Variants in SH3RF3 observed in about 807,000 individuals in gnomAD.
SH3RF3 encodes E3 ubiquitin-protein ligase SH3RF3.
Under a neutral mutation model 66.3 loss-of-function variants are expected in SH3RF3, and 29 were observed. That is an observed-to-expected ratio of 0.44 (90% CI 0.33 to 0.60). The LOEUF (loss-of-function observed/expected upper bound fraction) is 0.60, where lower values mean the gene tolerates loss of function less well. Among genes scored for constraint, SH3RF3 ranks in the 20% least tolerant of loss-of-function variants. The pLI is 0.04. For synonymous variants in SH3RF3, 583 were observed against 532.0 expected, an observed-to-expected ratio of 1.10 and a Z score of -1.32; for missense variants, 1,194 against 1,190.9, an observed-to-expected ratio of 1.00 and a Z score of -0.04.
At chr2:109,227,855 G>A (rs1039153745) in intron 1 of SH3RF3, among the ~76,000 whole-genome samples, 5 of 152,182 alleles carry the variant, frequency 3.3e-5, no homozygotes, top group Non-Finnish European at 5.9e-5. Flanking sequence ...CCCTTCGGTC[G>A]CTCCGCCTTT....
intron 1 of SH3RF3, among the ~76,000 whole-genome samples, chr2:109,185,819 G>GT (rs1312893832): frequency 6.6e-6 from 1 of 152,252 alleles, no homozygotes; most frequent in Non-Finnish European, 1.5e-5. Context: ...CTGTGGCACT[G>GT]TAGGAGAAAT....
chr2:109,250,611 A>G (rs1680066237), intron 1 of SH3RF3, among the ~76,000 whole-genome samples: 1 of 152,084 alleles, frequency 6.6e-6, no homozygotes, highest in African/African-American at 2.4e-5. Context: ...TAATAATAAT[A>G]ATAATAGTGG....
intron 1 of SH3RF3, among the ~76,000 whole-genome samples, chr2:109,198,360 G>T (rs1249748642): frequency 2.5e-5 from 2 of 79,892 alleles, no homozygotes; most frequent in Non-Finnish European, 5.2e-5. Context: ...AAACATCCTT[G>T]TGACAACTTA....
At chr2:109,252,254 G>GAAA (rs57575966) in intron 1 of SH3RF3, among the ~76,000 whole-genome samples, 20 of 144,580 alleles carry the variant, frequency 1.4e-4, no homozygotes, top group African/African-American at 3.8e-4. Context: ...TCTCAGAGGA[G>GAAA]AAAAAAAAAA....
chr2:109,198,061 C>T (rs997161175), intron 1 of SH3RF3, among the ~76,000 whole-genome samples: 1 of 152,130 alleles, frequency 6.6e-6, no homozygotes, highest in African/African-American at 2.4e-5. Context: ...AGTCCCCATG[C>T]AGTGTGTCAG....
chr2:109,289,106 G>T (rs1681104178), intron 1 of SH3RF3, among the ~76,000 whole-genome samples: 1 of 152,128 alleles, frequency 6.6e-6, no homozygotes, highest in Non-Finnish European at 1.5e-5. Flanking sequence ...AAGCTGAACT[G>T]GATTTTCCAA....
chr2:109,345,769 G>T (rs1454314575), intron 1 of SH3RF3, among the ~76,000 whole-genome samples: 2 of 151,988 alleles, frequency 1.3e-5, no homozygotes, highest in African/African-American at 4.8e-5. Context: ...TGTCTTTTTT[G>T]TAAATTTAAC....
chr2:109,432,596 G>A lies in SH3RF3; in HGVS notation c.1499G>A (p.Gly500Asp), dbSNP rs768437860. 1 of 1,613,514 alleles carries A rather than the reference G, an allele frequency of 6.2e-7. No homozygotes were observed. Among genetic ancestry groups the A allele is most frequent in the Non-Finnish European group, 8.5e-7 (1 of 1,179,730 alleles). ...MYRVLEKCQDGWFKGASLRTG... is the reference protein window; with the variant it reads ...MYRVLEKCQDDWFKGASLRTG... The stretch of plus-strand genomic sequence containing the variant: ...CGGGTCCTCGAGAAGTGTCAGGATG[G>A]CTGGTTCAAGGGGGCGTCTCTGAGG... Residue 500 changes from glycine to aspartate, a missense_variant, in exon 6 of 10, where the codon GGC (glycine) becomes GAC (aspartate). Transcript: ENST00000309415.
intron 1 of SH3RF3, among the ~76,000 whole-genome samples, chr2:109,176,924 T>C (rs977103764): frequency 6.6e-6 from 1 of 152,046 alleles, no homozygotes; most frequent in African/African-American, 2.4e-5. Context: ...GTGAGACTGG[T>C]GGAAAGGAGA....
intron 1 of SH3RF3, among the ~76,000 whole-genome samples, chr2:109,216,464 G>A (rs1423535183): frequency 6.6e-6 from 1 of 152,220 alleles, no homozygotes; most frequent in East Asian, 1.9e-4. Context: ...TGAGGGCGGT[G>A]CAGGGCTTAT....
intron 8 of SH3RF3, among the ~76,000 whole-genome samples, chr2:109,482,828 C>T (rs1307011467): frequency 6.6e-6 from 1 of 152,250 alleles, no homozygotes; most frequent in Non-Finnish European, 1.5e-5. Flanking sequence ...CCACCAAAAA[C>T]AAGCTAGAGA....
chr2:109,180,985 G>A (rs1678059855), intron 1 of SH3RF3, among the ~76,000 whole-genome samples: 2 of 152,178 alleles, frequency 1.3e-5, no homozygotes, highest in South Asian at 4.1e-4. Context: ...TCCTCAGATT[G>A]ATAACATTCC....
chr2:109,499,634 G>T (rs1402697533), intron 9 of SH3RF3, among the ~76,000 whole-genome samples: 1 of 152,190 alleles, frequency 6.6e-6, no homozygotes, highest in African/African-American at 2.4e-5. Flanking sequence ...AGGGCACAAG[G>T]CCCAACTGGT....
intron 1 of SH3RF3, among the ~76,000 whole-genome samples, chr2:109,262,627 T>C (rs1680383952): frequency 6.6e-6 from 1 of 152,240 alleles, no homozygotes; most frequent in South Asian, 2.1e-4. Context: ...TCTACAACTT[T>C]TGTGATATTA....
chr2:109,146,219 G>A (rs1172185857), intron 1 of SH3RF3, among the ~76,000 whole-genome samples: 1 of 152,166 alleles, frequency 6.6e-6, no homozygotes, highest in African/African-American at 2.4e-5. Flanking sequence ...GCTAACACTT[G>A]TTGGTCACTT....
chr2:109,286,365 G>A (rs1211406808), intron 1 of SH3RF3, among the ~76,000 whole-genome samples: 1 of 152,204 alleles, frequency 6.6e-6, no homozygotes, highest in African/African-American at 2.4e-5. Flanking sequence ...ACTCCAGGGG[G>A]CCCTTGGTTG....
intron 1 of SH3RF3, among the ~76,000 whole-genome samples, chr2:109,254,547 C>A (rs1192706823): frequency 6.6e-6 from 1 of 152,234 alleles, no homozygotes; most frequent in Non-Finnish European, 1.5e-5. Context: ...GGCAATACAA[C>A]ATTGTAGATG....
chr2:109,356,597 G>C (rs1232094750), intron 2 of SH3RF3, among the ~76,000 whole-genome samples: 1 of 152,182 alleles, frequency 6.6e-6, no homozygotes, highest in African/African-American at 2.4e-5. Flanking sequence ...CTCAGCCAAA[G>C]GCCCATCCCA....
intron 1 of SH3RF3, among the ~76,000 whole-genome samples, chr2:109,182,553 A>G (rs776390890): frequency 2.0e-5 from 3 of 152,242 alleles, no homozygotes; most frequent in Non-Finnish European, 2.9e-5. Context: ...GGACATAGAA[A>G]GCACATGGAA....
Sources: allele counts gnomAD v4.1 joint callset (sites outside exome capture counted in the v4.1 genomes callset), GRCh38; gene constraint gnomAD v4.1.1; transcripts MANE v1.5; gene names NCBI Gene and HGNC (gene_info 2026-07-23, HGNC 2026-07-21).